Variants in ATP13A4 observed in about 807,000 individuals in gnomAD.
ATP13A4 encodes the protein ATPase 13A4.
ATP13A4 carries 114 observed loss-of-function variants against 142.5 expected under a neutral mutation model. The ratio of observed to expected loss-of-function variants is 0.80; its 90% CI spans 0.69 to 0.93. The LOEUF is 0.93. Ranked by LOEUF, ATP13A4 falls within the 40% of genes least tolerant of loss-of-function variation. The probability of loss-of-function intolerance (pLI) is 0.00; values close to 1 mark genes in which losing one functional copy is unlikely to be tolerated. For missense variants in ATP13A4, 1,392 were observed against 1,454.0 expected (o/e 0.96, Z 0.69); for synonymous variants, 488 against 514.8 (o/e 0.95, Z 0.70).
At chr3:193,538,647 A>C (rs2108711861) in intron 1 of ATP13A4, among the ~76,000 whole-genome samples, 1 of 152,212 alleles carries the variant, frequency 6.6e-6, no homozygotes, top group Non-Finnish European at 1.5e-5. Flanking sequence ...GGACAATTCT[A>C]GTAAGTAACA....
At chr3:193,523,223 G>A (rs2108692762) in intron 1 of ATP13A4, among the ~76,000 whole-genome samples, 1 of 151,944 alleles carries the variant, frequency 6.6e-6, no homozygotes, top group East Asian at 1.9e-4. Context: ...AGAATCACAT[G>A]AACCTGGGAA....
chr3:193,471,437 A>T (rs1718618402), intron 8 of ATP13A4, among the ~76,000 whole-genome samples: 2 of 152,024 alleles, frequency 1.3e-5, no homozygotes, highest in African/African-American at 4.8e-5. Flanking sequence ...TTAGCCAGGC[A>T]TGGTGACACA....
At chr3:193,500,020 C>G (rs1272984984) in intron 3 of ATP13A4, among the ~76,000 whole-genome samples, 1 of 152,146 alleles carries the variant, frequency 6.6e-6, no homozygotes, top group Non-Finnish European at 1.5e-5. Context: ...ATTTGAGATT[C>G]CCGCAGGAGA....
At chr3:193,419,977 G>C (rs1203340551) in intron 25 of ATP13A4, among the ~76,000 whole-genome samples, 2 of 149,906 alleles carry the variant, frequency 1.3e-5, no homozygotes, top group Non-Finnish European at 2.9e-5. Context: ...ACCACTGGAT[G>C]GTGCTTCATC....
rs1716466277 is a variant in ATP13A4 at position 193,439,011 on chromosome 3, G to A, written c.2562+12C>T. 1 of 1,603,248 alleles carries A rather than the reference G, an allele frequency of 6.2e-7. No individual in the cohort carries two copies. Among genetic ancestry groups the A allele is most frequent in the Non-Finnish European group, 8.5e-7 (1 of 1,170,136 alleles). The stretch of plus-strand genomic sequence containing the variant: ...TGTGAGATTATGGCCACACAAACTG[G>A]TAGCTACTTACCCCACAGTCATTGG... On this transcript the variant is annotated intron_variant, in intron 22 of 29. Transcript: ENST00000342695.
intron 1 of ATP13A4, among the ~76,000 whole-genome samples, chr3:193,586,725 C>A (rs554732038): frequency 4.6e-5 from 7 of 152,160 alleles, no homozygotes; most frequent in African/African-American, 1.7e-4. Context: ...ATCTATTTGG[C>A]CTTATGCCAA....
chr3:193,487,216 G>T (rs1431064335), intron 7 of ATP13A4, among the ~76,000 whole-genome samples: 1 of 152,066 alleles, frequency 6.6e-6, no homozygotes, highest in Non-Finnish European at 1.5e-5. Flanking sequence ...CCAACTGAGA[G>T]GTTTAGCGAT....
intron 2 of ATP13A4, among the ~76,000 whole-genome samples, chr3:193,561,002 C>T (rs1184303393): frequency 2.0e-5 from 3 of 152,180 alleles, no homozygotes; most frequent in South Asian, 2.1e-4. Context: ...TCAGAAACCT[C>T]GGGCCTGAGG....
chr3:193,457,545 G>T, intron 14 of ATP13A4, 80 bp from the exon 15 acceptor site: 1 of 1,325,186 alleles, frequency 7.5e-7, no homozygotes, highest in Non-Finnish European at 1.1e-6. Flanking sequence ...CCCTCCCCTT[G>T]AGAAGATCCT....
chr3:193,505,507 A>G (rs899583238), intron 2 of ATP13A4, among the ~76,000 whole-genome samples: 2 of 152,132 alleles, frequency 1.3e-5, no homozygotes, highest in African/African-American at 4.8e-5. Flanking sequence ...CTTTAAGCTC[A>G]TTTCCTAACA....
intron 25 of ATP13A4, among the ~76,000 whole-genome samples, chr3:193,426,866 T>C (rs1715694300): frequency 6.6e-6 from 1 of 151,910 alleles, no homozygotes; most frequent in Non-Finnish European, 1.5e-5. Flanking sequence ...ATGACCTAAA[T>C]GTAAGAGTTA....
At chr3:193,566,751 C>T (rs1724143726) in intron 2 of ATP13A4, among the ~76,000 whole-genome samples, 2 of 152,192 alleles carry the variant, frequency 1.3e-5, no homozygotes, top group South Asian at 4.1e-4. Flanking sequence ...GGCCCTGTCT[C>T]TGACCCCAAA....
At chr3:193,487,953 A>T (rs979289045) in intron 7 of ATP13A4, among the ~76,000 whole-genome samples, 2 of 152,214 alleles carry the variant, frequency 1.3e-5, no homozygotes, top group Non-Finnish European at 2.9e-5. Flanking sequence ...AAAGATATTT[A>T]GGATATAATA....
Position 193,440,602 on chromosome 3 carries a change from A to AG in ATP13A4, c.2474dup (p.Pro826SerfsTer23), listed in dbSNP as rs1716572124. 6.2e-7 allele frequency: 1 copy of AG among 1,613,974 alleles called. No individual in the cohort carries two copies. Among genetic ancestry groups the AG allele is most frequent in the African/African-American group, 1.3e-5 (1 of 74,920 alleles). ...CCACCAGACTGGACTTCTGCCCAGG[A>AG]GACATTCTTGCAAAGATGGTCCCAT... On this transcript the variant is annotated frameshift_variant, in exon 21 of 30. Transcript: ENST00000342695. LOFTEE classifies it high-confidence loss of function.
In ATP13A4 at chr3:193,403,748, C is replaced by T. The variant is rs74375266; in HGVS notation, c.3379-884G>A. The T allele has an allele frequency of 2.7e-3, 2,666 of 983,654 alleles. 46 individuals carry two copies. The African/African-American group carries it at 0.042, about 15-fold the overall frequency. The allele number at this position is 983,654 out of a possible 1,614,324, so 60.9% of individuals were successfully genotyped here. The stretch of plus-strand genomic sequence containing the variant: ...ATGAGAGGTTATCATATTAATTTTC[C>T]ACTTTTATCATGTTTGCTCACAAAG... On this transcript the variant is annotated intron_variant, in intron 29 of 29. Coordinates refer to ENST00000342695, the MANE Select transcript of ATP13A4 (RefSeq NM_032279.4).
chr3:193,504,780 A>C (rs916772794), intron 2 of ATP13A4, among the ~76,000 whole-genome samples: 1 of 152,208 alleles, frequency 6.6e-6, no homozygotes, highest in Non-Finnish European at 1.5e-5. Flanking sequence ...ACAAATTATA[A>C]AAGAGCCATC....
chr3:193,435,839 A>T (rs1224874632), intron 23 of ATP13A4, 95 bp from the exon 24 acceptor site: 1 of 1,085,094 alleles, frequency 9.2e-7, no homozygotes, highest in Non-Finnish European at 1.4e-6. Flanking sequence ...GAGAAAAAAA[A>T]TCAAAAGTCA....
chr3:193,406,702 T>C (rs1714514175), intron 29 of ATP13A4, among the ~76,000 whole-genome samples: 1 of 152,148 alleles, frequency 6.6e-6, no homozygotes, highest in Admixed American at 6.5e-5. Flanking sequence ...TTATTTCCCA[T>C]CCGCAAGGCA....
chr3:193,435,635 T>C lies in ATP13A4; in HGVS notation c.2769+13A>G, dbSNP rs1273574652. On this transcript the variant is annotated intron_variant, in intron 24 of 29. Transcript: ENST00000342695. The stretch of plus-strand genomic sequence containing the variant: ...AGTTCACACTAACCAAGAGGCTAAG[T>C]CCCAAGTCATACCCAGTAGAGCAGC... The C allele has an allele frequency of 1.9e-6, 3 of 1,603,500 alleles. No homozygotes were observed. In the African/African-American group the frequency reaches 4.0e-5, roughly 21 times the overall value.
Sources: gnomAD v4.1 joint callset for allele counts (sites outside exome capture counted in the v4.1 genomes callset) on GRCh38, gnomAD v4.1.1 for gene constraint, MANE v1.5 for transcripts, NCBI Gene and HGNC (gene_info 2026-07-23, HGNC 2026-07-21) for gene names.